Variants in VSTM4 observed in about 807,000 individuals in gnomAD.
VSTM4 encodes the protein V-set and transmembrane domain-containing protein 4.
In VSTM4, 20 loss-of-function variants were observed where a neutral mutation model predicts 36.4. That is an observed-to-expected ratio of 0.55 (90% confidence interval 0.39 to 0.80). The LOEUF (loss-of-function observed/expected upper bound fraction) is 0.80. Among genes scored for constraint, VSTM4 ranks in the 30% least tolerant of loss-of-function variants. VSTM4 has a pLI of 0.00. For synonymous variants in VSTM4, 182 were observed against 173.9 expected (o/e 1.05, Z -0.37); for missense variants, 392 against 404.5 (o/e 0.97, Z 0.26).
In VSTM4 at chr10:49,052,427, T is replaced by C. The variant is rs549386601; in HGVS notation, c.669-3843A>G. On this transcript the variant is annotated intron_variant, in intron 5 of 7. Coordinates refer to ENST00000332853, the MANE Select transcript of VSTM4 (RefSeq NM_001031746.5). ...ATGGAAGGATAGCTCCTTCTCTTGA[T>C]TTAGGATTTTTTTTTTTTTTGGATC... 4.9e-5 allele frequency among the ~76,000 whole-genome samples: 5 copies of C among 103,062 alleles called. No individual in the cohort carries two copies. In the South Asian group the frequency reaches 1.4e-3, roughly 30 times the overall value. 67.6% of individuals were successfully genotyped at this position (103,062 alleles called of 152,430 possible).
intron 2 of VSTM4, among the ~76,000 whole-genome samples, chr10:49,088,191 C>T (rs1360423768): frequency 6.6e-6 from 1 of 152,078 alleles, no homozygotes; most frequent in Non-Finnish European, 1.5e-5. Context: ...GCCATTAGAA[C>T]TTAAATTATT....
At chr10:49,094,921 A>G (rs1426050637) in intron 2 of VSTM4, among the ~76,000 whole-genome samples, 2 of 152,236 alleles carry the variant, frequency 1.3e-5, no homozygotes, top group African/African-American at 4.8e-5. Context: ...CTGGGGCTCA[A>G]ATAAAGCCAT....
chr10:49,056,958 G>T (rs1047242112), intron 5 of VSTM4, among the ~76,000 whole-genome samples: 2 of 152,106 alleles, frequency 1.3e-5, no homozygotes, highest in Non-Finnish European at 2.9e-5. Flanking sequence ...GAAGCTTCCA[G>T]TCATGGCGGA....
intron 2 of VSTM4, chr10:49,103,500 A>T (rs1187627382): frequency 8.8e-7 from 1 of 1,137,716 alleles, no homozygotes; most frequent in Non-Finnish European, 1.1e-6. Flanking sequence ...CTATAATTGA[A>T]CTATATTACA....
In VSTM4 at chr10:49,019,716, C is replaced by T. The variant is rs759465324; in HGVS notation, c.897G>A (p.Arg299=). The part of the protein sequence containing the change: ...YAELELIKPH[R]AAKGAPTSTV... ...TGCTGGTGGGGGCGCCTTTGGCAGCCCGGTGGGGTTTGATCAGCTCCAGTT... is the reference window on the plus strand; with the variant it reads ...TGCTGGTGGGGGCGCCTTTGGCAGCTCGGTGGGGTTTGATCAGCTCCAGTT... The change falls in exon 8 of 8, where the codon CGG becomes CGA. Residue 299 remains arginine, a synonymous_variant. Coordinates refer to ENST00000332853, the MANE Select transcript of VSTM4 (RefSeq NM_001031746.5). 6.2e-7 allele frequency: 1 copy of T among 1,613,932 alleles called. No homozygotes were observed.
chr10:49,035,066 C>T lies in VSTM4; in HGVS notation c.837+11917G>A, dbSNP rs76334967. On this transcript the variant is annotated intron_variant, in intron 7 of 7. Coordinates refer to ENST00000332853, the MANE Select transcript of VSTM4 (RefSeq NM_001031746.5). ...AGTCTCTGCAGGCACGTGGGGACAG[C>T]GTGCCCCAGAGTGGAGCCGCACCAT... 7.4e-3 allele frequency among the ~76,000 whole-genome samples: 1,128 copies of T among 152,268 alleles called. 13 individuals are homozygous for T. Among genetic ancestry groups the T allele is most frequent in the African/African-American group, 0.026 (1,071 of 41,560 alleles).
chr10:49,103,804 G>GTATT (rs1844713354), intron 2 of VSTM4: 2 of 1,613,982 alleles, frequency 1.2e-6, no homozygotes, highest in African/African-American at 1.3e-5. Flanking sequence ...GAGTGAGGTA[G>GTATT]TATTACAAGG....
At chr10:49,031,447 T>C (rs1382540504) in intron 7 of VSTM4, among the ~76,000 whole-genome samples, 1 of 152,228 alleles carries the variant, frequency 6.6e-6, no homozygotes. Context: ...TGTTTGATTA[T>C]TACTATTGCT....
chr10:49,098,371 T>TG (rs966766270), intron 2 of VSTM4, among the ~76,000 whole-genome samples: 6 of 152,246 alleles, frequency 3.9e-5, no homozygotes, highest in African/African-American at 1.2e-4. Context: ...GTTAGACCCC[T>TG]GGGTGTCATC....
intron 4 of VSTM4, among the ~76,000 whole-genome samples, chr10:49,069,093 G>A (rs1215759788): frequency 6.6e-6 from 1 of 151,428 alleles, no homozygotes; most frequent in Non-Finnish European, 1.5e-5. Flanking sequence ...AAACCTCCCA[G>A]ATGGCATGTC....
chr10:49,114,720 C>T (rs1192524988), intron 1 of VSTM4, among the ~76,000 whole-genome samples: 3 of 150,764 alleles, frequency 2.0e-5, no homozygotes, highest in Admixed American at 2.0e-4. Context: ...TACTATTATT[C>T]CAGCCAGTAC....
chr10:49,064,777 A>T (rs1564579817), intron 4 of VSTM4, 41 bp from the exon 5 acceptor site: 1 of 1,593,780 alleles, frequency 6.3e-7, no homozygotes, highest in African/African-American at 1.4e-5. Context: ...AACCAATGCT[A>T]CTTCAGATAT....
chr10:49,082,934 G>A (rs1052702801), intron 3 of VSTM4, among the ~76,000 whole-genome samples: 23 of 152,222 alleles, frequency 1.5e-4, no homozygotes, highest in African/African-American at 5.5e-4. Context: ...GGTGCATAAT[G>A]TCAGCATGCC....
intron 2 of VSTM4, 48 bp downstream of exon 2, chr10:49,107,546 C>T: frequency 6.5e-7 from 1 of 1,549,510 alleles, no homozygotes; most frequent in Non-Finnish European, 8.7e-7. Context: ...GGGGGGCCTA[C>T]TGGCCTGCCC....
At chr10:49,028,913 A>G (rs1843303573) in intron 7 of VSTM4, among the ~76,000 whole-genome samples, 1 of 152,260 alleles carries the variant, frequency 6.6e-6, no homozygotes, top group Admixed American at 6.5e-5. Context: ...GAGCTGCACT[A>G]TCAGGAATCT....
Position 49,077,309 on chromosome 10 carries a change from C to G in VSTM4, c.544G>C (p.Val182Leu). 1 of 1,614,202 alleles carries G rather than the reference C, an allele frequency of 6.2e-7. No individual in the cohort carries two copies. Among genetic ancestry groups the G allele is most frequent in the South Asian group, 1.1e-5 (1 of 91,090 alleles). The change falls in exon 4 of 8, where the codon GTC (valine) becomes CTC (leucine). Residue 182 changes from valine to leucine, a missense_variant. Transcript: ENST00000332853. ...AGGATCCCCACGCAGCACACGAGGA[C>G]AGCATACACATAGAGATCTGAAAGG... ...AFFEDLYVYA[V>L]LVCCVGILSI...
intron 7 of VSTM4, among the ~76,000 whole-genome samples, chr10:49,029,227 G>A (rs1301503667): frequency 6.6e-6 from 1 of 152,172 alleles, no homozygotes; most frequent in African/African-American, 2.4e-5. Flanking sequence ...TTAATCTCAA[G>A]TACCATGGGT....
intron 7 of VSTM4, among the ~76,000 whole-genome samples, chr10:49,041,016 A>C (rs953525663): frequency 4.6e-5 from 7 of 152,198 alleles, no homozygotes; most frequent in African/African-American, 1.7e-4. Context: ...ATGTCTCCAA[A>C]TTATTTTCTA....
At chr10:49,022,293 G>C (rs2466753) in intron 7 of VSTM4, among the ~76,000 whole-genome samples, 9 of 152,262 alleles carry the variant, frequency 5.9e-5, no homozygotes, top group African/African-American at 1.9e-4. Flanking sequence ...GTTGTTTGAT[G>C]GACTTTTTAA....
Sources: gnomAD v4.1 joint callset for allele counts (sites outside exome capture counted in the v4.1 genomes callset) on GRCh38, gnomAD v4.1.1 for gene constraint, MANE v1.5 for transcripts, NCBI Gene and HGNC (gene_info 2026-07-23, HGNC 2026-07-21) for gene names.